GLRA2: variants seen among roughly 807,000 people sequenced by gnomAD.
The protein encoded by GLRA2 is glycine receptor alpha 2.
A neutral mutation model predicts 31.6 loss-of-function variants in GLRA2; 11 were observed. The observed-to-expected ratio is 0.35, with a 90% CI of 0.22 to 0.58. GLRA2 has a LOEUF of 0.58. GLRA2 is among the 20% of genes least tolerant of loss of function. The pLI, the probability that GLRA2 is intolerant of heterozygous loss-of-function variation, is 0.84. For missense variants in GLRA2, 212 were observed against 351.8 expected, an observed-to-expected ratio of 0.60 and a Z score of 3.18; for synonymous variants, 132 against 134.0, an observed-to-expected ratio of 0.99 and a Z score of 0.10.
chrX:14,560,397 C>G (rs1462820818), intron 2 of GLRA2, among the ~76,000 whole-genome samples: 2 of 111,831 alleles, frequency 1.8e-5, no homozygotes, highest in African/African-American at 6.5e-5. Context: ...CTTAAAAGGA[C>G]GCTGGGAAAT....
chrX:14,498,337 T>A, the GLRA2 span, among the ~76,000 whole-genome samples: 3 of 111,233 alleles, frequency 2.7e-5, no homozygotes, highest in Non-Finnish European at 5.7e-5. Flanking sequence ...ATAGAAACAA[T>A]TTAACAAGGA....
the GLRA2 span, among the ~76,000 whole-genome samples, chrX:14,496,906 T>C: frequency 1.8e-5 from 2 of 111,731 alleles, no homozygotes; most frequent in East Asian, 5.6e-4. Flanking sequence ...ACTTGAGTGA[T>C]CACAGCCTAG....
the GLRA2 span, among the ~76,000 whole-genome samples, chrX:14,493,152 G>A: frequency 9.0e-6 from 1 of 110,611 alleles, no homozygotes; most frequent in Admixed American, 9.7e-5. Context: ...ATATCACATA[G>A]AAAAATGAAA....
At chrX:14,576,481 T>C (rs1429716831) in intron 3 of GLRA2, among the ~76,000 whole-genome samples, 2 of 111,760 alleles carry the variant, frequency 1.8e-5, no homozygotes, top group Non-Finnish European at 3.8e-5. Flanking sequence ...CCCAAATCAC[T>C]GTCACCAGCT....
chrX:14,515,725 TACTC>T, the GLRA2 span, among the ~76,000 whole-genome samples: 68 of 112,306 alleles, frequency 6.1e-4, no homozygotes, highest in Non-Finnish European at 1.1e-3. Context: ...ACTTGTTTCT[TACTC>T]ATTCTTTGCC....
At position 14,730,377 on chromosome X, in the gene GLRA2, G is replaced by A. The variant is rs2091977774; in HGVS notation, c.1251G>A (p.Arg417=). The A allele has an allele frequency of 3.3e-6, 4 of 1,206,243 alleles. No homozygotes were observed. The African/African-American group carries it at 7.1e-5, about 21-fold the overall frequency. ...AGAAGTTTGTGGACCGGGCAAAAAGGATTGACACGATATCTCGAGCTGCCT... is the reference window on the plus strand; with the variant it reads ...AGAAGTTTGTGGACCGGGCAAAAAGAATTGACACGATATCTCGAGCTGCCT... ...IKKKFVDRAK[R]IDTISRAAFP... is the part of the protein sequence containing the mutation. The change falls in exon 9 of 9, where the codon AGG becomes AGA. Residue 417 remains arginine (R), a synonymous_variant. Transcript: ENST00000218075.
chrX:14,547,380 AT>A (rs1209342753), intron 2 of GLRA2, among the ~76,000 whole-genome samples: 1 of 111,041 alleles, frequency 9.0e-6, no homozygotes, highest in African/African-American at 3.3e-5. Flanking sequence ...CCTTCTCATC[AT>A]TTTTGGATAA....
intron 2 of GLRA2, among the ~76,000 whole-genome samples, chrX:14,553,006 G>A (rs2089587001): frequency 8.9e-6 from 1 of 112,004 alleles, no homozygotes; most frequent in Admixed American, 9.4e-5. Context: ...TCTAGTGGGA[G>A]AATGACCTCC....
chrX:14,572,630 T>C (rs966363729), intron 2 of GLRA2, among the ~76,000 whole-genome samples: 4 of 112,633 alleles, frequency 3.6e-5, no homozygotes, highest in Non-Finnish European at 7.5e-5. Flanking sequence ...GAATTCATCA[T>C]GGCAGATGCT....
the GLRA2 span, among the ~76,000 whole-genome samples, chrX:14,458,668 T>G: frequency 5.5e-3 from 621 of 112,543 alleles, 8 homozygotes; most frequent in African/African-American, 0.019. Flanking sequence ...CATAAATGTC[T>G]TCTTTTGAGA....
the GLRA2 span, among the ~76,000 whole-genome samples, chrX:14,481,183 G>C: frequency 9.0e-6 from 1 of 111,027 alleles, no homozygotes; most frequent in Non-Finnish European, 1.9e-5. Flanking sequence ...AATGTTGTTG[G>C]TGTGTAGAAA....
At chrX:14,569,279 A>G (rs747863556) in intron 2 of GLRA2, among the ~76,000 whole-genome samples, 5 of 111,938 alleles carry the variant, frequency 4.5e-5, no homozygotes, top group Non-Finnish European at 9.4e-5. Context: ...CAAACAAACA[A>G]AAAAAGCCAC....
At chrX:14,532,612 T>C (rs1436318988) in intron 2 of GLRA2, among the ~76,000 whole-genome samples, 1 of 111,836 alleles carries the variant, frequency 8.9e-6, no homozygotes, top group Non-Finnish European at 1.9e-5. Context: ...TGTCATAAAT[T>C]ATGGCCACAG....
chrX:14,493,692 C>CGT, the GLRA2 span, among the ~76,000 whole-genome samples: 1 of 81,409 alleles, frequency 1.2e-5, no homozygotes, highest in African/African-American at 6.9e-5. Flanking sequence ...TACATATACA[C>CGT]GTATATATGT....
At chrX:14,694,948 C>T (rs1487360621) in intron 8 of GLRA2, among the ~76,000 whole-genome samples, 1 of 111,829 alleles carries the variant, frequency 8.9e-6, no homozygotes. Context: ...TTGTGACAAG[C>T]GCAGATTTGG....
the GLRA2 span, among the ~76,000 whole-genome samples, chrX:14,498,515 G>A: frequency 2.0e-4 from 22 of 109,271 alleles, no homozygotes; most frequent in African/African-American, 7.0e-4. Flanking sequence ...ATATTTTGAG[G>A]GCACATGAGG....
At chrX:14,617,548 T>C (rs1271687432) in intron 7 of GLRA2, among the ~76,000 whole-genome samples, 1 of 111,639 alleles carries the variant, frequency 9.0e-6, no homozygotes, top group East Asian at 2.8e-4. Context: ...GCAGCAAAAC[T>C]AGAGGCTTAA....
chrX:14,606,362 G>A (rs2090334319), intron 5 of GLRA2, among the ~76,000 whole-genome samples: 1 of 111,029 alleles, frequency 9.0e-6, no homozygotes, highest in African/African-American at 3.3e-5. Flanking sequence ...CTAGCTTGGA[G>A]ACTAAGAGCT....
intron 2 of GLRA2, among the ~76,000 whole-genome samples, chrX:14,542,233 A>G (rs2089415247): frequency 8.9e-6 from 1 of 112,220 alleles, no homozygotes; most frequent in African/African-American, 3.2e-5. Flanking sequence ...TTGGCTAAAC[A>G]TACATATTCA....
Sources: allele counts gnomAD v4.1 joint callset (sites outside exome capture counted in the v4.1 genomes callset), GRCh38; gene constraint gnomAD v4.1.1; transcripts MANE v1.5; gene names NCBI Gene and HGNC (gene_info 2026-07-23, HGNC 2026-07-21).